Variants in TMEM132D observed in about 807,000 individuals in gnomAD.
The protein encoded by TMEM132D is transmembrane protein 132D.
A neutral mutation model predicts 62.3 loss-of-function variants in TMEM132D; 21 were observed. The observed-to-expected ratio is 0.34, with a 90% CI of 0.24 to 0.49. The LOEUF (loss-of-function observed/expected upper bound fraction) is 0.49. Ranked by LOEUF, TMEM132D falls within the 20% of genes least tolerant of loss-of-function variation. TMEM132D has a pLI of 0.99. For synonymous variants in TMEM132D, 621 were observed against 575.6 expected (o/e 1.08, Z -1.13); for missense variants, 1,346 against 1,402.8 (o/e 0.96, Z 0.65).
intron 3 of TMEM132D, among the ~76,000 whole-genome samples, chr12:129,451,876 C>A (rs979032677): frequency 6.6e-6 from 1 of 152,178 alleles, no homozygotes; most frequent in African/African-American, 2.4e-5. Flanking sequence ...GCTATACTAG[C>A]TGCAAAGGAA....
At chr12:129,220,530 T>C (rs1001042000) in intron 4 of TMEM132D, among the ~76,000 whole-genome samples, 2 of 152,186 alleles carry the variant, frequency 1.3e-5, no homozygotes, top group Non-Finnish European at 2.9e-5. Flanking sequence ...AGAGAGTATT[T>C]TGTGGGCAGC....
intron 2 of TMEM132D, among the ~76,000 whole-genome samples, chr12:129,666,398 G>C (rs748393334): frequency 4.8e-5 from 3 of 62,934 alleles, no homozygotes; most frequent in Non-Finnish European, 1.1e-4. Context: ...TATTTTGTCA[G>C]AAAAATAGAA....
intron 1 of TMEM132D, among the ~76,000 whole-genome samples, chr12:129,755,870 G>T (rs1003689933): frequency 6.6e-6 from 1 of 152,096 alleles, no homozygotes; most frequent in African/African-American, 2.4e-5. Context: ...CTCACATTCT[G>T]GTCATGCCCA....
At chr12:129,395,268 G>T (rs1045632820) in intron 3 of TMEM132D, among the ~76,000 whole-genome samples, 3 of 152,252 alleles carry the variant, frequency 2.0e-5, no homozygotes, top group Non-Finnish European at 4.4e-5. Flanking sequence ...ATGGGTTTTT[G>T]AATTGGTAAA....
intron 1 of TMEM132D, chr12:129,852,782 A>C (rs754262726): frequency 6.6e-6 from 1 of 152,116 alleles, no homozygotes; most frequent in Non-Finnish European, 1.5e-5. Context: ...GGAATGCTTT[A>C]TCATAAGTCA....
intron 2 of TMEM132D, among the ~76,000 whole-genome samples, chr12:129,532,045 G>A (rs2137090110): frequency 6.6e-6 from 1 of 152,174 alleles, no homozygotes; most frequent in Non-Finnish European, 1.5e-5. Context: ...GACAAAGTGA[G>A]ATCCTGCCTC....
chr12:129,195,830 T>C (rs1304418724), intron 5 of TMEM132D, among the ~76,000 whole-genome samples: 1 of 152,226 alleles, frequency 6.6e-6, no homozygotes, highest in Admixed American at 6.5e-5. Flanking sequence ...AACTGAGGAA[T>C]AAAGAGTTTA....
intron 1 of TMEM132D, among the ~76,000 whole-genome samples, chr12:129,876,162 G>T (rs2137381510): frequency 6.6e-6 from 1 of 152,312 alleles, no homozygotes. Flanking sequence ...GAGGCCCTTA[G>T]GCTGCGTGTA....
At chr12:129,131,598 A>C (rs1277186357) in intron 5 of TMEM132D, among the ~76,000 whole-genome samples, 1 of 150,792 alleles carries the variant, frequency 6.6e-6, no homozygotes, top group Non-Finnish European at 1.5e-5. Context: ...ACAGAGTGAG[A>C]CTCTGTCTAA....
At chr12:129,114,997 T>C (rs555393251) in intron 5 of TMEM132D, among the ~76,000 whole-genome samples, 1 of 152,330 alleles carries the variant, frequency 6.6e-6, no homozygotes, top group African/African-American at 2.4e-5. Flanking sequence ...CTGTACGTAT[T>C]TTTTGATGAA....
intron 3 of TMEM132D, among the ~76,000 whole-genome samples, chr12:129,455,577 C>T (rs1214307336): frequency 6.6e-6 from 1 of 152,178 alleles, no homozygotes; most frequent in Non-Finnish European, 1.5e-5. Context: ...CTGGGGAAGG[C>T]TTCTAAGGAG....
intron 5 of TMEM132D, among the ~76,000 whole-genome samples, chr12:129,163,829 G>A (rs1474435812): frequency 6.6e-6 from 1 of 152,168 alleles, no homozygotes; most frequent in Non-Finnish European, 1.5e-5. Flanking sequence ...CTGATACAGC[G>A]ATAATTGGCT....
chr12:129,424,707 C>CAAA (rs11385383), intron 3 of TMEM132D, among the ~76,000 whole-genome samples: 131 of 31,644 alleles, frequency 4.1e-3, no homozygotes, highest in Non-Finnish European at 4.8e-3. Flanking sequence ...GACTCCATCT[C>CAAA]AAAAAAAAAA....
Position 129,277,767 on chromosome 12 carries a change from C to T in TMEM132D, c.1299+59867G>A, listed in dbSNP as rs144076952. ...GGAAGCCTCATAGATTCTCCGGAAGCCTCTCCTATGTCCTCTGGTGACACT... is the reference window on the plus strand; with the variant it reads ...GGAAGCCTCATAGATTCTCCGGAAGTCTCTCCTATGTCCTCTGGTGACACT... On this transcript the variant is annotated intron_variant, in intron 4 of 8. Coordinates refer to ENST00000422113, the MANE Select transcript of TMEM132D (RefSeq NM_133448.3). The surrounding 1 kb of genome is among the most constrained non-coding windows in gnomAD (Gnocchi z 4.2). Among the ~76,000 whole-genome samples the T allele has an allele frequency of 6.6e-6, 1 of 152,280 alleles. No homozygotes were observed. The highest frequency in any genetic ancestry group is 2.4e-5 in the African/African-American group (1 of 41,560).
chr12:129,874,345 G>T (rs1251075801), intron 1 of TMEM132D, among the ~76,000 whole-genome samples: 2 of 152,064 alleles, frequency 1.3e-5, no homozygotes. Context: ...GGGAGGCGGA[G>T]ACTGCAGTGA....
chr12:129,578,290 T>C (rs1307122391), intron 2 of TMEM132D, among the ~76,000 whole-genome samples: 3 of 152,048 alleles, frequency 2.0e-5, no homozygotes, highest in Non-Finnish European at 2.9e-5. Context: ...AAGTGGTAGA[T>C]TGTGGGACTT....
Position 129,532,324 on chromosome 12 carries a change from A to T in TMEM132D, c.969-1119T>A, listed in dbSNP as rs11060405. 5.1e-3 allele frequency among the ~76,000 whole-genome samples: 775 copies of T among 152,184 alleles called. 37 individuals are homozygous for T. The South Asian group carries it at 0.093, about 18-fold the overall frequency. ...GACTTGTAATCATTGTGCCTATATA[A>T]ACATGCAGTAAGGCAATGGTGCCAG... is the stretch of plus-strand genomic sequence containing the variant. On this transcript the variant is annotated intron_variant, in intron 2 of 8. Transcript: ENST00000422113.
At chr12:129,644,269 A>G (rs549068496) in intron 2 of TMEM132D, among the ~76,000 whole-genome samples, 127 of 152,314 alleles carry the variant, frequency 8.3e-4, no homozygotes, top group African/African-American at 2.6e-3. Flanking sequence ...AACCTTGGCA[A>G]AAGAAACTCT....
rs145108308 is a variant in TMEM132D at position 129,164,708 on chromosome 12, C to G, written c.1443+44812G>C. The stretch of plus-strand genomic sequence containing the variant: ...GAAGGGGAAAGAGCCCATTATAAAA[C>G]CATCAGATCTCATGAGAATTTACTC... On this transcript the variant is annotated intron_variant, in intron 5 of 8. Coordinates refer to ENST00000422113, the MANE Select transcript of TMEM132D (RefSeq NM_133448.3). Among the ~76,000 whole-genome samples, 920 of 152,192 alleles carry G rather than the reference C, an allele frequency of 6.0e-3. 5 individuals are homozygous for G. Among genetic ancestry groups the G allele is most frequent in the Middle Eastern group, 0.031 (9 of 292 alleles).
Sources: gnomAD v4.1 joint callset for allele counts (sites outside exome capture counted in the v4.1 genomes callset) on GRCh38, gnomAD v4.1.1 for gene constraint, Gnocchi (gnomAD v3.1) non-coding constraint, MANE v1.5 for transcripts, NCBI Gene and HGNC (gene_info 2026-07-23, HGNC 2026-07-21) for gene names.